ZNF813: variants seen among roughly 807,000 people sequenced by gnomAD.
ZNF813 encodes zinc finger protein 813.
Under a neutral mutation model 7.2 loss-of-function variants are expected in ZNF813, and 3 were observed. The observed-to-expected ratio is 0.42, with a 90% CI of 0.19 to 1.08. ZNF813 has a LOEUF of 1.08. ZNF813 is among the 50% of genes least tolerant of loss of function. The pLI is 0.30. For synonymous variants in ZNF813, 227 were observed against 256.3 expected, an observed-to-expected ratio of 0.89 and a Z score of 1.09; for missense variants, 714 against 753.3, an observed-to-expected ratio of 0.95 and a Z score of 0.61.
At chr19:53,477,434 TGG>T (rs66577589) in intron 1 of ZNF813, among the ~76,000 whole-genome samples, 35,386 of 152,002 alleles carry the variant, frequency 0.23, 4,341 homozygotes, top group South Asian at 0.32. Flanking sequence ...CTAACCCACG[TGG>T]GTTGTCCTCA....
intron 1 of ZNF813, among the ~76,000 whole-genome samples, chr19:53,479,093 C>G (rs1303027857): frequency 6.6e-6 from 1 of 152,034 alleles, no homozygotes; most frequent in Non-Finnish European, 1.5e-5. Context: ...CGCCACCACA[C>G]CAGGCCAATT....
chr19:53,485,076 C>T (rs1266131533), intron 2 of ZNF813, among the ~76,000 whole-genome samples: 3 of 151,976 alleles, frequency 2.0e-5, no homozygotes, highest in Non-Finnish European at 2.9e-5. Flanking sequence ...GTCTCATACA[C>T]GTGTATTTCT....
rs2086420424 is a variant in ZNF813, at chr19:53,483,784, G to A, written c.-39G>A. 6.2e-7 allele frequency: 1 copy of A among 1,612,558 alleles called. No individual in the cohort carries two copies. The highest frequency in any genetic ancestry group is 1.3e-5 in the African/African-American group (1 of 74,924). The stretch of plus-strand genomic sequence containing the variant: ...CTAAAGACTCTTGGTATGTGAGGAA[G>A]AAACCTGGAAGAGGAAGAGGAAAGC... On this transcript the variant is annotated 5_prime_UTR_variant, in exon 2 of 4. Coordinates refer to ENST00000396403, the MANE Select transcript of ZNF813 (RefSeq NM_001004301.4).
In ZNF813 at chr19:53,473,898, A is replaced by G. The variant is rs191621626; in HGVS notation, c.-74+6109A>G. ...ACCTGACTCAGAGGACAACCATATG[A>G]AAGACCTGATCTTATCTCAGGTGAG... is the stretch of plus-strand genomic sequence containing the variant. On this transcript the variant is annotated intron_variant, in intron 1 of 3. Coordinates refer to ENST00000396403, the MANE Select transcript of ZNF813 (RefSeq NM_001004301.4). Among the ~76,000 whole-genome samples the G allele has an allele frequency of 9.7e-4, 147 of 152,330 alleles. 1 individual carries two copies. Among genetic ancestry groups the G allele is most frequent in the African/African-American group, 3.4e-3 (141 of 41,580 alleles).
In ZNF813 at chr19:53,492,090, G is replaced by C; in HGVS notation, c.*4G>C. ...GTGTGGCAAAGCTTTTAATTGAAAA[G>C]CAAAGCTTGCACATCATCATACAAT... On this transcript the variant is annotated 3_prime_UTR_variant, in exon 4 of 4. Coordinates refer to ENST00000396403, the MANE Select transcript of ZNF813 (RefSeq NM_001004301.4). The C allele has an allele frequency of 1.2e-6, 2 of 1,606,258 alleles. No individual in the cohort carries two copies. Among genetic ancestry groups the C allele is most frequent in the Non-Finnish European group, 1.7e-6 (2 of 1,176,074 alleles).
intron 1 of ZNF813, among the ~76,000 whole-genome samples, chr19:53,481,408 GT>G (rs1004535013): frequency 7.3e-5 from 10 of 137,396 alleles, no homozygotes; most frequent in African/African-American, 2.8e-4. Flanking sequence ...GTGCAATGGT[GT>G]GATCTAGGCT....
chr19:53,487,486 A>G (rs766654868), intron 3 of ZNF813, among the ~76,000 whole-genome samples: 6 of 152,120 alleles, frequency 3.9e-5, no homozygotes, highest in Non-Finnish European at 7.4e-5. Context: ...GGTCACCGCA[A>G]CTGGCTCTGC....
chr19:53,485,769 C>T (rs1450214482), intron 2 of ZNF813, among the ~76,000 whole-genome samples: 3 of 152,138 alleles, frequency 2.0e-5, no homozygotes, highest in South Asian at 2.1e-4. Context: ...AGCACAGTGG[C>T]GTGATCTTAG....
At chr19:53,481,983 T>C (rs1347250852) in intron 1 of ZNF813, among the ~76,000 whole-genome samples, 2 of 152,114 alleles carry the variant, frequency 1.3e-5, no homozygotes, top group African/African-American at 4.8e-5. Context: ...TCAGGGTAGC[T>C]TGGTGAAAAT....
In ZNF813 at chr19:53,495,507, C is replaced by G. The variant is rs973847724; in HGVS notation, c.*3421C>G. 3 of 152,120 alleles carry G rather than the reference C, an allele frequency of 2.0e-5. No homozygotes were observed. Among genetic ancestry groups the G allele is most frequent in the Non-Finnish European group, 4.4e-5 (3 of 68,086 alleles). The allele number at this position is 152,120 out of a possible 1,614,324, so 9.4% of individuals were successfully genotyped here. A position where few individuals can be genotyped will look rare whatever the true frequency, so the allele number is the denominator to read the frequency against. On this transcript the variant is annotated 3_prime_UTR_variant, in exon 4 of 4. Transcript: ENST00000396403. ...AAAGTGTGGAGATTACAGGCATGAGCCACCATGCCCCTTGCACATCAGTTT... is the reference window on the plus strand; with the variant it reads ...AAAGTGTGGAGATTACAGGCATGAGGCACCATGCCCCTTGCACATCAGTTT...
In ZNF813 at chr19:53,491,554, G is replaced by A. The variant is rs1568433179; in HGVS notation, c.1322G>A (p.Cys441Tyr). 2 of 1,613,378 alleles carry A rather than the reference G, an allele frequency of 1.2e-6. No homozygotes were observed. The highest frequency in any genetic ancestry group is 1.7e-6 in the Non-Finnish European group (2 of 1,179,646). Reference protein sequence around the residue: ...RLHSGEKPYKCTECVKTFSRN... With the variant: ...RLHSGEKPYKYTECVKTFSRN... ...CATAGTGGAGAGAAACCCTACAAGT[G>A]TACTGAGTGTGTCAAGACGTTCAGT... Residue 441 changes from cysteine to tyrosine, a missense_variant, in exon 4 of 4, where the codon TGT (cysteine) becomes TAT (tyrosine). Cys to Tyr is a radical substitution (Grantham distance 194). This residue lies in a region of ZNF813 where 563 missense variants were observed against 554.2 expected (regional missense o/e 1.02). Coordinates refer to ENST00000396403, the MANE Select transcript of ZNF813 (RefSeq NM_001004301.4).
intron 2 of ZNF813, 103 bp downstream of exon 2, chr19:53,483,940 G>T: frequency 6.2e-7 from 1 of 1,602,322 alleles, no homozygotes; most frequent in East Asian, 2.2e-5. Flanking sequence ...CTGCCTGACA[G>T]GTTTGCTCAC....
In ZNF813 at chr19:53,486,618, T is replaced by G. The variant is rs1254222966; in HGVS notation, c.16-14T>G. 1 of 1,614,024 alleles carries G rather than the reference T, an allele frequency of 6.2e-7. No individual in the cohort carries two copies. Among genetic ancestry groups the G allele is most frequent in the Admixed American group, 1.7e-5 (1 of 60,002 alleles). ...CTCCCATAACAATTTCCTTAAAATG[T>G]GTTTTCATTTCAGGGTCTATTGACA... On this transcript the variant is annotated splice_polypyrimidine_tract_variant and intron_variant, in intron 2 of 3. Coordinates refer to ENST00000396403, the MANE Select transcript of ZNF813 (RefSeq NM_001004301.4).
At chr19:53,489,959 G>A (rs1406978237) in intron 3 of ZNF813, among the ~76,000 whole-genome samples, 2 of 152,054 alleles carry the variant, frequency 1.3e-5, no homozygotes, top group Non-Finnish European at 2.9e-5. Flanking sequence ...AGCTTGTTGT[G>A]GATTATTTAC....
In ZNF813 at chr19:53,491,453, A is replaced by C. The variant is rs2086461572; in HGVS notation, c.1221A>C (p.Gly407=). The C allele has an allele frequency of 6.2e-7, 1 of 1,614,032 alleles. No individual in the cohort carries two copies. Among genetic ancestry groups the C allele is most frequent in the African/African-American group, 1.3e-5 (1 of 74,924 alleles). The change falls in exon 4 of 4, where the codon GGA becomes GGC. Residue 407 remains glycine (G), a synonymous_variant. Transcript: ENST00000396403. The stretch of plus-strand genomic sequence containing the variant: ...AATGCCATCGTAGACTTCATACCGG[A>C]GAGAAGCCTTACAAGTGTAATGAAT... The part of the protein sequence containing the change: ...TLKCHRRLHT[G]EKPYKCNECG...
chr19:53,485,891 C>CGTTT (rs565082473), intron 2 of ZNF813, among the ~76,000 whole-genome samples: 2 of 151,706 alleles, frequency 1.3e-5, no homozygotes, highest in African/African-American at 2.4e-5. Context: ...TTTTTGTTTT[C>CGTTT]GTTTGTTTGT....
At position 53,490,411 on chromosome 19, in the gene ZNF813, C is replaced by T; in HGVS notation, c.179C>T (p.Ser60Leu). 1.9e-6 allele frequency: 3 copies of T among 1,613,920 alleles called. No individual in the cohort carries two copies. Among genetic ancestry groups the T allele is most frequent in the Non-Finnish European group, 2.5e-6 (3 of 1,179,962 alleles). Reference protein sequence around the residue: ...SSKCMMKEFSSTAQGNREVIH... With the variant: ...SSKCMMKEFSLTAQGNREVIH... ...AAATGCATGATGAAGGAGTTCTCAT[C>T]AACAGCACAAGGCAATAGAGAAGTG... is the stretch of plus-strand genomic sequence containing the variant. The change falls in exon 4 of 4, where the codon TCA becomes TTA. Residue 60 changes from serine to leucine, a missense_variant. Around this residue, in one of 3 missense-constraint regions of ZNF813, gnomAD observed 563 missense variants for 554.2 expected, o/e 1.02. Coordinates refer to ENST00000396403, the MANE Select transcript of ZNF813 (RefSeq NM_001004301.4).
rs1490933960 is a variant in ZNF813 at position 53,470,510 on chromosome 19, C to G, written c.-74+2721C>G. Reference sequence around the variant, plus strand: ...GCTGATATTTATATGGAGCTATTAGCTGAGTGGTAGTCTGCCTAGTGACAA... The same window carrying G: ...GCTGATATTTATATGGAGCTATTAGGTGAGTGGTAGTCTGCCTAGTGACAA... On this transcript the variant is annotated intron_variant, in intron 1 of 3. Coordinates refer to ENST00000396403, the MANE Select transcript of ZNF813 (RefSeq NM_001004301.4). Among the ~76,000 whole-genome samples the G allele has an allele frequency of 3.8e-5, 5 of 131,848 alleles. 2 individuals are homozygous for G. The highest frequency in any genetic ancestry group is 6.0e-5 in the African/African-American group (2 of 33,490). The allele number at this position is 131,848 out of a possible 152,430, so 86.5% of individuals were successfully genotyped here.
chr19:53,482,706 CTTTT>C (rs1568830690), intron 1 of ZNF813, among the ~76,000 whole-genome samples: 1 of 91,470 alleles, frequency 1.1e-5, no homozygotes, highest in Non-Finnish European at 2.2e-5. Context: ...ATCAGGAATG[CTTTT>C]TGTTTTTTTT....
Sources: allele counts gnomAD v4.1 joint callset (sites outside exome capture counted in the v4.1 genomes callset), GRCh38; gene constraint gnomAD v4.1.1; regional missense constraint gnomAD v4.1.1; transcripts MANE v1.5; gene names NCBI Gene and HGNC (gene_info 2026-07-23, HGNC 2026-07-21).